Variants in SDK1 observed in about 807,000 individuals in gnomAD.
The protein encoded by SDK1 is sidekick cell adhesion molecule 1.
A neutral mutation model predicts 245.5 loss-of-function variants in SDK1; 157 were observed. The observed-to-expected ratio is 0.64, with a 90% CI of 0.56 to 0.73. The LOEUF is 0.73. SDK1 is among the 30% of genes least tolerant of loss of function. The probability of loss-of-function intolerance (pLI) is 0.00; values close to 1 mark genes in which losing one functional copy is unlikely to be tolerated. For missense variants in SDK1, 3,583 were observed against 3,002.3 expected (o/e 1.19, Z -4.52); for synonymous variants, 1,647 against 1,278.5 (o/e 1.29, Z -6.15).
chr7:3,303,487 T>A (rs918655149), intron 1 of SDK1, among the ~76,000 whole-genome samples: 3 of 152,256 alleles, frequency 2.0e-5, no homozygotes, highest in African/African-American at 7.2e-5. Context: ...AGTTGCACTT[T>A]GAAGGTTGTG....
At chr7:4,054,667 A>G (rs1291777104) in intron 19 of SDK1, among the ~76,000 whole-genome samples, 4 of 152,176 alleles carry the variant, frequency 2.6e-5, no homozygotes, top group African/African-American at 9.7e-5. Flanking sequence ...ACTATGCTGA[A>G]TAAGAGTGAT....
intron 1 of SDK1, among the ~76,000 whole-genome samples, chr7:3,557,917 A>C (rs1240600205): frequency 2.0e-5 from 3 of 152,170 alleles, no homozygotes; most frequent in Non-Finnish European, 4.4e-5. Context: ...AGATCATACC[A>C]TATGTAAATA....
chr7:3,586,010 G>C (rs878962348), intron 1 of SDK1, among the ~76,000 whole-genome samples: 2 of 152,160 alleles, frequency 1.3e-5, no homozygotes, highest in Admixed American at 1.3e-4. Flanking sequence ...GGGCTGCAGA[G>C]CTGATTGAGT....
chr7:3,983,762 T>G (rs920375497), intron 13 of SDK1, among the ~76,000 whole-genome samples: 5 of 152,194 alleles, frequency 3.3e-5, no homozygotes, highest in Admixed American at 6.5e-5. Context: ...GGGGAGAGAC[T>G]GAAACTGGGA....
chr7:3,951,021 A>G lies in SDK1; in HGVS notation c.946A>G (p.Ile316Val), dbSNP rs775966370. 4 of 1,612,790 alleles carry G rather than the reference A, an allele frequency of 2.5e-6. No individual in the cohort carries two copies. The highest frequency in any genetic ancestry group is 1.7e-5 in the Admixed American group (1 of 60,026). Residue 316 changes from isoleucine (I) to valine (V), a missense_variant, in exon 6 of 45, where the codon ATA (isoleucine) becomes GTA (valine). By Grantham distance (29) the Ile-to-Val change is conservative (BLOSUM62 3). Transcript: ENST00000404826. ...ATCCAGTGAGACCACCTTGGAATGT[A>G]TAGCCAGTGCCAGGTACGAGGCGCG... is the stretch of plus-strand genomic sequence containing the variant. ...AGSSETTLEC[I>V]ASARPVEDLS...
chr7:3,550,063 T>A (rs1779350349), intron 1 of SDK1, among the ~76,000 whole-genome samples: 1 of 152,204 alleles, frequency 6.6e-6, no homozygotes. Flanking sequence ...TCAATGTGAA[T>A]ATGTGAAATT....
chr7:3,813,491 T>A (rs1232713274), intron 4 of SDK1, among the ~76,000 whole-genome samples: 1 of 143,446 alleles, frequency 7.0e-6, no homozygotes, highest in East Asian at 2.1e-4. Context: ...TGTGCCACAT[T>A]TTCTTAATCC....
intron 4 of SDK1, among the ~76,000 whole-genome samples, chr7:3,806,863 G>A (rs1259402124): frequency 6.6e-6 from 1 of 151,990 alleles, no homozygotes; most frequent in Non-Finnish European, 1.5e-5. Flanking sequence ...TTTTATTTTT[G>A]TGTGGGGTTG....
At chr7:4,069,001 C>T (rs1420589123) in intron 20 of SDK1, among the ~76,000 whole-genome samples, 13 of 152,258 alleles carry the variant, frequency 8.5e-5, no homozygotes, top group Admixed American at 3.3e-4. Context: ...GGATTACAGG[C>T]GTGAGCCACT....
rs1782132887 is a variant in SDK1 at position 3,626,747 on chromosome 7, A to G, written c.458+7508A>G. 2.0e-5 allele frequency among the ~76,000 whole-genome samples: 3 copies of G among 152,328 alleles called. 1 individual carries two copies. The South Asian group carries it at 6.2e-4, about 32-fold the overall frequency. Reference sequence around the variant, plus strand: ...CTTTCTTTTTCACCAGCCCACTGGCATGAAGTTCACAAAGTGAGTAGGATG... The same window carrying G: ...CTTTCTTTTTCACCAGCCCACTGGCGTGAAGTTCACAAAGTGAGTAGGATG... On this transcript the variant is annotated intron_variant, in intron 2 of 44. Coordinates refer to ENST00000404826, the MANE Select transcript of SDK1 (RefSeq NM_152744.4).
intron 35 of SDK1, among the ~76,000 whole-genome samples, chr7:4,180,271 C>T (rs1782518522): frequency 6.7e-6 from 1 of 150,320 alleles, no homozygotes; most frequent in Admixed American, 6.6e-5. Flanking sequence ...GCTCTATGCC[C>T]AGTACCCGGC....
chr7:3,520,543 T>C (rs1782903371), intron 1 of SDK1, among the ~76,000 whole-genome samples: 1 of 152,206 alleles, frequency 6.6e-6, no homozygotes, highest in African/African-American at 2.4e-5. Context: ...AATATAAATC[T>C]CTTACTTATA....
chr7:3,853,548 C>T (rs1024114469), intron 5 of SDK1, among the ~76,000 whole-genome samples: 4 of 152,026 alleles, frequency 2.6e-5, no homozygotes, highest in Non-Finnish European at 5.9e-5. Flanking sequence ...TTCTTGGGAC[C>T]AGAAGTGTTT....
In SDK1 at chr7:4,267,472, G is replaced by A; in HGVS notation, c.*2088G>A. 3 of 985,418 alleles carry A rather than the reference G, an allele frequency of 3.0e-6. No individual in the cohort carries two copies. Among genetic ancestry groups the A allele is most frequent in the South Asian group, 4.7e-5 (1 of 21,290 alleles). The allele number at this position is 985,418 out of a possible 1,614,324, so 61.0% of individuals were successfully genotyped here. On this transcript the variant is annotated 3_prime_UTR_variant, in exon 45 of 45. Transcript: ENST00000404826. ...TTCCCCGGATGAGACTCACCACAGT[G>A]GACAGTGCCACCTCCTTCCCCTCGG...
intron 5 of SDK1, among the ~76,000 whole-genome samples, chr7:3,830,118 T>C (rs1014293841): frequency 3.3e-5 from 5 of 152,160 alleles, no homozygotes; most frequent in South Asian, 2.1e-4. Context: ...TTCCCAGATA[T>C]TGACATCGAA....
chr7:3,577,143 GA>G (rs1186888061), intron 1 of SDK1, among the ~76,000 whole-genome samples: 1 of 151,906 alleles, frequency 6.6e-6, no homozygotes, highest in African/African-American at 2.4e-5. Flanking sequence ...CATTCTAAAT[GA>G]AATCCACACA....
At position 3,797,450 on chromosome 7, in the gene SDK1, GGT is replaced by G. The variant is rs1233334939; in HGVS notation, c.714-23995_714-23994del. Among the ~76,000 whole-genome samples, 20 of 108,312 alleles carry G rather than the reference GGT, an allele frequency of 1.8e-4. No individual in the cohort carries two copies. The Admixed American group carries it at 2.1e-3, about 11-fold the overall frequency. The allele number at this position is 108,312 out of a possible 152,430, so 71.1% of individuals were successfully genotyped here. A position where few individuals can be genotyped will look rare whatever the true frequency, so the allele number is the denominator to read the frequency against. On this transcript the variant is annotated intron_variant, in intron 4 of 44. Transcript: ENST00000404826. ...TACAGCCATGTACATGTACAAGAGG[GGT>G]GTGTATACACACACACACACACACA...
intron 4 of SDK1, among the ~76,000 whole-genome samples, chr7:3,733,046 G>C (rs1215964955): frequency 1.3e-5 from 2 of 152,048 alleles, no homozygotes; most frequent in Admixed American, 1.3e-4. Flanking sequence ...TTCATCCCTG[G>C]GAATCATTAT....
At chr7:4,225,585 C>T (rs1015447425) in intron 40 of SDK1, among the ~76,000 whole-genome samples, 1 of 152,196 alleles carries the variant, frequency 6.6e-6, no homozygotes, top group Non-Finnish European at 1.5e-5. Flanking sequence ...GCCGGCTGCA[C>T]GAAGGGAACA....
Sources: allele counts gnomAD v4.1 joint callset (sites outside exome capture counted in the v4.1 genomes callset), GRCh38; gene constraint gnomAD v4.1.1; transcripts MANE v1.5; gene names NCBI Gene and HGNC (gene_info 2026-07-23, HGNC 2026-07-21).